The following ABI2 variants were observed in gnomAD, a reference collection of about 807,000 sequenced individuals.
ABI2 encodes the protein abl interactor 2.
A neutral mutation model predicts 59.2 loss-of-function variants in ABI2; 25 were observed. The ratio of observed to expected loss-of-function variants is 0.42; its 90% CI spans 0.31 to 0.59. ABI2 has a LOEUF of 0.59. ABI2 is among the 20% of genes least tolerant of loss of function. The pLI is 0.14. For synonymous variants in ABI2, 213 were observed against 235.5 expected, an observed-to-expected ratio of 0.90 and a Z score of 0.87; for missense variants, 545 against 681.8, an observed-to-expected ratio of 0.80 and a Z score of 2.23.
intron 11 of ABI2, among the ~76,000 whole-genome samples, chr2:203,418,843 A>C (rs993792178): frequency 2.5e-4 from 38 of 152,262 alleles, no homozygotes; most frequent in African/African-American, 9.2e-4. Flanking sequence ...CAAGAAGTTC[A>C]ATAAACCCCA....
chr2:203,404,973 A>G (rs572632132), intron 9 of ABI2, among the ~76,000 whole-genome samples: 1 of 152,358 alleles, frequency 6.6e-6, no homozygotes, highest in African/African-American at 2.4e-5. Context: ...GCATTTTATA[A>G]TACATACTTC....
chr2:203,393,157 C>T (rs1464180395), intron 5 of ABI2, among the ~76,000 whole-genome samples: 6 of 152,146 alleles, frequency 3.9e-5, no homozygotes, highest in African/African-American at 7.2e-5. Context: ...TGCCTCCAGG[C>T]GATTCTCCTG....
Position 203,328,441 on chromosome 2 carries a change from C to T in ABI2, c.-74C>T, listed in dbSNP as rs1178314565. ...CGCCGCCGCTCCTCCTCTCCCGGTCCTGGGTTTCCTTGGCGCTGCGGCCGC... is the reference window on the plus strand; with the variant it reads ...CGCCGCCGCTCCTCCTCTCCCGGTCTTGGGTTTCCTTGGCGCTGCGGCCGC... On this transcript the variant is annotated 5_prime_UTR_variant, in exon 1 of 12. Transcript: ENST00000261018. The T allele has an allele frequency of 2.3e-6, 3 of 1,277,604 alleles. No homozygotes were observed. Among genetic ancestry groups the T allele is most frequent in the African/African-American group, 1.5e-5 (1 of 65,566 alleles). 79.1% of individuals were successfully genotyped at this position (1,277,604 alleles called of 1,614,324 possible). A position where few individuals can be genotyped will look rare whatever the true frequency, so the allele number is the denominator to read the frequency against.
At position 203,402,531 on chromosome 2, in the gene ABI2, A is replaced by G. The variant is rs886650858; in HGVS notation, c.1034-45A>G. 2.2e-6 allele frequency: 3 copies of G among 1,348,866 alleles called. No homozygotes were observed. The Admixed American group carries it at 8.9e-5, about 40-fold the overall frequency. 83.6% of individuals were successfully genotyped at this position (1,348,866 alleles called of 1,614,324 possible). ...TACATAAAGTATTTAATGATCTGAG[A>G]TAATTTTCTTTTAATGACATATGTA... On this transcript the variant is annotated intron_variant, in intron 8 of 11. Transcript: ENST00000261018.
chr2:203,369,096 A>G (rs1483333768), intron 2 of ABI2, among the ~76,000 whole-genome samples: 2 of 137,880 alleles, frequency 1.5e-5, no homozygotes, highest in Non-Finnish European at 3.0e-5. Context: ...TAGTCTCCCA[A>G]GGTGTTGGGA....
chr2:203,344,558 G>GTTGTTGTTT, intron 1 of ABI2, among the ~76,000 whole-genome samples: 1 of 46,040 alleles, frequency 2.2e-5, no homozygotes, highest in East Asian at 7.3e-4. Flanking sequence ...TGTTGTTGTT[G>GTTGTTGTTT]TTGTTTTTGT....
rs549804374 is a variant in ABI2, at chr2:203,377,024, A to C, written c.286-3184A>C. Among the ~76,000 whole-genome samples the C allele has an allele frequency of 3.9e-5, 6 of 152,272 alleles. No individual in the cohort carries two copies. In the South Asian group the frequency reaches 1.2e-3, roughly 32 times the overall value. ...GTTCATTCTCTGGAGATTTATTAAT[A>C]TTTCTAGTATGTGCCAGGCATAGTG... On this transcript the variant is annotated intron_variant, in intron 2 of 11. Transcript: ENST00000261018.
intron 11 of ABI2, among the ~76,000 whole-genome samples, chr2:203,418,371 G>C (rs1244831813): frequency 2.0e-5 from 3 of 152,212 alleles, no homozygotes; most frequent in Non-Finnish European, 4.4e-5. Context: ...CTCTTCACAC[G>C]GCTGCAATCA....
intron 8 of ABI2, among the ~76,000 whole-genome samples, chr2:203,399,649 G>A (rs1270227771): frequency 6.6e-6 from 1 of 152,102 alleles, no homozygotes; most frequent in South Asian, 2.1e-4. Context: ...CAAATAGCTG[G>A]GATTACAGGC....
chr2:203,362,741 G>A (rs897503642), intron 1 of ABI2, among the ~76,000 whole-genome samples: 3 of 151,800 alleles, frequency 2.0e-5, no homozygotes, highest in Non-Finnish European at 4.4e-5. Context: ...CGGGCAGGCC[G>A]GTCTTGAACT....
intron 11 of ABI2, among the ~76,000 whole-genome samples, chr2:203,423,675 C>T (rs1016385111): frequency 8.5e-5 from 13 of 152,194 alleles, no homozygotes; most frequent in Admixed American, 5.9e-4. Context: ...CCCACCTTGG[C>T]CTTCCAAAGT....
rs1437586614 is a variant in ABI2, at chr2:203,395,765, C to T, written c.835C>T (p.Pro279Ser). Reference protein sequence around the residue: ...VPIAVPTPSPPSVFPAPAGSA... With the variant: ...VPIAVPTPSPSSVFPAPAGSA... ...TATTGCTGTTCCTACTCCATCTCCT[C>T]CCAGTGTCTTTCCAGGTAAAACATT... Residue 279 changes from proline (P) to serine (S), a missense_variant, in exon 7 of 12, where the codon CCC (proline) becomes TCC (serine). This residue lies in a region of ABI2 where 410 missense variants were observed against 435.6 expected (regional missense o/e 0.94). Coordinates refer to ENST00000261018, the MANE Select transcript of ABI2 (RefSeq NM_001375670.1). 1.3e-6 allele frequency: 2 copies of T among 1,598,532 alleles called. No individual in the cohort carries two copies. Among genetic ancestry groups the T allele is most frequent in the Non-Finnish European group, 1.7e-6 (2 of 1,172,892 alleles).
intron 1 of ABI2, among the ~76,000 whole-genome samples, chr2:203,345,969 C>T (rs1309911760): frequency 6.6e-6 from 1 of 151,934 alleles, no homozygotes; most frequent in East Asian, 2.0e-4. Context: ...CACCTGAGAT[C>T]AGGAGTTTAA....
At chr2:203,336,202 A>G (rs2076367385) in intron 1 of ABI2, among the ~76,000 whole-genome samples, 1 of 152,148 alleles carries the variant, frequency 6.6e-6, no homozygotes, top group African/African-American at 2.4e-5. Context: ...CCATTCACCA[A>G]CTGATGGATT....
rs1354875699 is a variant in ABI2 at position 203,431,855 on chromosome 2, T to C, written c.*4503T>C. 5 of 152,352 alleles carry C rather than the reference T, an allele frequency of 3.3e-5. No individual in the cohort carries two copies. The highest frequency in any genetic ancestry group is 2.6e-4 in the Admixed American group (4 of 15,310). The allele number at this position is 152,352 out of a possible 1,614,324, so 9.4% of individuals were successfully genotyped here. ...CCTCTTTTGCAACTTAAGAATTCTA[T>C]GGAAAAGCAGTTTTTATCATATTTT... On this transcript the variant is annotated 3_prime_UTR_variant, in exon 12 of 12. Coordinates refer to ENST00000261018, the MANE Select transcript of ABI2 (RefSeq NM_001375670.1).
intron 6 of ABI2, chr2:203,395,162 CTA>C: frequency 1.4e-6 from 1 of 698,886 alleles, no homozygotes; most frequent in Non-Finnish European, 2.6e-6. Context: ...AGATGAAAAA[CTA>C]TACATAATAA....
rs1423946922 is a variant in ABI2 at position 203,352,621 on chromosome 2, A to G, written c.118-14256A>G. On this transcript the variant is annotated intron_variant, in intron 1 of 11. Coordinates refer to ENST00000261018, the MANE Select transcript of ABI2 (RefSeq NM_001375670.1). The stretch of plus-strand genomic sequence containing the variant: ...TGATATAAAGAAAAAAATGTTGTAC[A>G]ACTGCATAATGTATTTTTATTACAA... 2.0e-5 allele frequency among the ~76,000 whole-genome samples: 3 copies of G among 152,238 alleles called. No homozygotes were observed. In the East Asian group the frequency reaches 5.8e-4, roughly 29 times the overall value.
intron 6 of ABI2, 196 bp downstream of exon 6, chr2:203,395,042 A>G: frequency 1.3e-6 from 1 of 745,416 alleles, no homozygotes; most frequent in East Asian, 2.7e-5. Context: ...TAAAGAACAG[A>G]CATCTCAAAG....
At chr2:203,370,652 A>G (rs1163371646) in intron 2 of ABI2, among the ~76,000 whole-genome samples, 1 of 152,152 alleles carries the variant, frequency 6.6e-6, no homozygotes, top group Non-Finnish European at 1.5e-5. Flanking sequence ...ATTATTTAAA[A>G]TATTGTGTGT....
Sources: gnomAD v4.1 joint callset for allele counts (sites outside exome capture counted in the v4.1 genomes callset) on GRCh38, gnomAD v4.1.1 for gene constraint, gnomAD v4.1.1 regional missense constraint, MANE v1.5 for transcripts, NCBI Gene and HGNC (gene_info 2026-07-23, HGNC 2026-07-21) for gene names.